Variants in COL23A1 observed in about 807,000 individuals in gnomAD.
The protein encoded by COL23A1 is collagen alpha-1(XXIII) chain.
COL23A1 carries 97 observed loss-of-function variants against 99.3 expected under a neutral mutation model. The observed-to-expected ratio is 0.98, with a 90% CI of 0.83 to 1.16. COL23A1 has a LOEUF of 1.16. Among genes scored for constraint, COL23A1 ranks in the 50% most tolerant of loss-of-function variants. The probability of loss-of-function intolerance (pLI) is 0.00; values close to 1 mark genes in which losing one functional copy is unlikely to be tolerated. For synonymous variants in COL23A1, 320 were observed against 308.2 expected (o/e 1.04, Z -0.40); for missense variants, 762 against 757.4 (o/e 1.01, Z -0.07).
intron 2 of COL23A1, among the ~76,000 whole-genome samples, chr5:178,329,836 C>T (rs1224516189): frequency 6.6e-6 from 1 of 151,820 alleles, no homozygotes; most frequent in Non-Finnish European, 1.5e-5. Flanking sequence ...ACTCAGGAGG[C>T]TGAGGCAGGA....
At chr5:178,454,109 A>G (rs2546626) in intron 2 of COL23A1, among the ~76,000 whole-genome samples, 68,251 of 152,024 alleles carry the variant, frequency 0.45, 17,196 homozygotes, top group African/African-American at 0.68. Flanking sequence ...AACACAACAT[A>G]TGGACAGTTA....
chr5:178,318,404 C>A (rs982312985), intron 2 of COL23A1, among the ~76,000 whole-genome samples: 1 of 152,194 alleles, frequency 6.6e-6, no homozygotes, highest in Non-Finnish European at 1.5e-5. Context: ...CTGGCAGAGC[C>A]CCTCCCCAGA....
intron 16 of COL23A1, among the ~76,000 whole-genome samples, chr5:178,254,652 G>T (rs1765209969): frequency 6.6e-6 from 1 of 152,194 alleles, no homozygotes; most frequent in South Asian, 2.1e-4. Flanking sequence ...GGAGACACCG[G>T]TGGGAACAGA....
At chr5:178,278,810 G>A (rs532875640) in intron 5 of COL23A1, among the ~76,000 whole-genome samples, 1 of 152,304 alleles carries the variant, frequency 6.6e-6, no homozygotes, top group African/African-American at 2.4e-5. Context: ...TGCAAACTGA[G>A]TGTGTTGCGG....
chr5:178,487,093 G>C (rs1682690430), intron 2 of COL23A1, among the ~76,000 whole-genome samples: 1 of 141,310 alleles, frequency 7.1e-6, no homozygotes, highest in African/African-American at 3.0e-5. Flanking sequence ...TCAGAATCTA[G>C]AGGCTCCAGG....
At chr5:178,562,742 G>GGGGT (rs1762661398) in intron 1 of COL23A1, 1 of 130,998 alleles carries the variant, frequency 7.6e-6, no homozygotes, top group African/African-American at 3.1e-5. Flanking sequence ...GTGGTGGGGG[G>GGGGT]GGTGCGGGCT....
At chr5:178,272,757 G>A (rs773237720) in intron 5 of COL23A1, among the ~76,000 whole-genome samples, 1 of 146,422 alleles carries the variant, frequency 6.8e-6, no homozygotes, top group African/African-American at 2.5e-5. Context: ...CCTACCCCCC[G>A]ACCCAAGCCC....
chr5:178,465,714 G>A (rs1451124086), intron 2 of COL23A1, among the ~76,000 whole-genome samples: 5 of 152,210 alleles, frequency 3.3e-5, no homozygotes, highest in Non-Finnish European at 7.3e-5. Flanking sequence ...AAGTCCCCGC[G>A]GGGTGGCGGT....
At chr5:178,495,031 G>T (rs1038138727) in intron 2 of COL23A1, among the ~76,000 whole-genome samples, 2 of 152,156 alleles carry the variant, frequency 1.3e-5, no homozygotes, top group African/African-American at 4.8e-5. Context: ...GCAAAGCTGG[G>T]GTCACCAGAG....
At chr5:178,342,107 G>T (rs761921801) in intron 2 of COL23A1, among the ~76,000 whole-genome samples, 1 of 152,188 alleles carries the variant, frequency 6.6e-6, no homozygotes, top group Non-Finnish European at 1.5e-5. Context: ...CCAGCTCTGA[G>T]CCAGGAAGTG....
chr5:178,403,131 T>TAAATAAAA (rs1561940646), intron 2 of COL23A1, among the ~76,000 whole-genome samples: 2 of 74,274 alleles, frequency 2.7e-5, no homozygotes, highest in African/African-American at 8.8e-5. Context: ...AATAAATAAA[T>TAAATAAAA]AAAAAATAAA....
chr5:178,469,178 T>C (rs1220121280), intron 2 of COL23A1, among the ~76,000 whole-genome samples: 3 of 152,236 alleles, frequency 2.0e-5, no homozygotes, highest in African/African-American at 7.2e-5. Flanking sequence ...TCCTACCTTT[T>C]GGCTACTGTG....
Position 178,306,108 on chromosome 5 carries a change from C to CA in COL23A1, c.406+766dup, listed in dbSNP as rs1758337991. ...GACCAAGGGAGATTCATTCACGGGG[C>CA]AGGTGGGTCCCGTGAGAATGGCAAA... is the stretch of plus-strand genomic sequence containing the variant. On this transcript the variant is annotated intron_variant, in intron 3 of 28. Transcript: ENST00000390654. This position sits in a 1 kb window ranked among gnomAD's most constrained non-coding sequence, Gnocchi z 4.1. Among the ~76,000 whole-genome samples the CA allele has an allele frequency of 1.3e-5, 2 of 151,986 alleles. No homozygotes were observed. The highest frequency in any genetic ancestry group is 4.1e-4 in the South Asian group (2 of 4,822).
chr5:178,441,305 T>A (rs189948722), intron 2 of COL23A1, among the ~76,000 whole-genome samples: 1 of 152,326 alleles, frequency 6.6e-6, no homozygotes, highest in Admixed American at 6.5e-5. Context: ...GCTGTAAATC[T>A]CACTTATAAA....
chr5:178,454,780 T>G (rs1450839260), intron 2 of COL23A1, among the ~76,000 whole-genome samples: 1 of 152,244 alleles, frequency 6.6e-6, no homozygotes, highest in African/African-American at 2.4e-5. Flanking sequence ...GGCGTGTTCA[T>G]TAATCCTTTA....
At chr5:178,266,732 C>A (rs1183369012) in intron 8 of COL23A1, among the ~76,000 whole-genome samples, 3 of 152,206 alleles carry the variant, frequency 2.0e-5, no homozygotes, top group Non-Finnish European at 4.4e-5. Flanking sequence ...TTCCCTGCTC[C>A]TGCTCACAGC....
chr5:178,298,417 G>GGT (rs1367727635), intron 3 of COL23A1, among the ~76,000 whole-genome samples: 1 of 152,134 alleles, frequency 6.6e-6, no homozygotes, highest in Non-Finnish European at 1.5e-5. Context: ...TTTCCCAAAG[G>GGT]GTGTGTCCAG....
intron 2 of COL23A1, among the ~76,000 whole-genome samples, chr5:178,473,097 TGGGTGACAGA>T (rs59614197): frequency 0.59 from 89,355 of 151,412 alleles, 27,083 homozygotes; most frequent in East Asian, 0.92. Flanking sequence ...CACTCCAGCC[TGGGTGACAGA>T]GCAAGACTCT....
chr5:178,281,151 G>A lies in COL23A1; in HGVS notation c.441+7173C>T, dbSNP rs1376592166. 6.6e-6 allele frequency among the ~76,000 whole-genome samples: 1 copy of A among 152,234 alleles called. No homozygotes were observed. The highest frequency in any genetic ancestry group is 6.5e-5 in the Admixed American group (1 of 15,284). On this transcript the variant is annotated intron_variant, in intron 5 of 28. Transcript: ENST00000390654. The surrounding 1 kb of genome is among the most constrained non-coding windows in gnomAD (Gnocchi z 4.0). ...TTCACTAGAATCTGGGGATTGTGGG[G>A]TGGCACTGTAGGGGTCAGACGGAAA...
Sources: allele counts gnomAD v4.1 joint callset (sites outside exome capture counted in the v4.1 genomes callset), GRCh38; gene constraint gnomAD v4.1.1; non-coding constraint Gnocchi (gnomAD v3.1); transcripts MANE v1.5; gene names NCBI Gene and HGNC (gene_info 2026-07-23, HGNC 2026-07-21).